Variants in PTPRK observed in about 807,000 individuals in gnomAD.
The protein encoded by PTPRK is protein tyrosine phosphatase receptor type K, also known as receptor-type tyrosine-protein phosphatase kappa.
In PTPRK, 75 loss-of-function variants were observed where a neutral mutation model predicts 178.0. That is an observed-to-expected ratio of 0.42 (90% CI 0.35 to 0.51). The LOEUF (loss-of-function observed/expected upper bound fraction) is 0.51. Among genes scored for constraint, PTPRK ranks in the 20% least tolerant of loss-of-function variants. PTPRK has a pLI of 0.02. For missense variants in PTPRK, 1,441 were observed against 1,797.8 expected (o/e 0.80, Z 3.59); for synonymous variants, 637 against 620.6 (o/e 1.03, Z -0.39).
chr6:128,269,852 C>G (rs189565488), intron 3 of PTPRK, among the ~76,000 whole-genome samples: 5 of 152,142 alleles, frequency 3.3e-5, no homozygotes, highest in African/African-American at 9.6e-5. Context: ...ACAACATTTC[C>G]TAAAATCACT....
intron 13 of PTPRK, among the ~76,000 whole-genome samples, chr6:128,009,971 C>T (rs1452214529): frequency 2.6e-5 from 4 of 151,176 alleles, no homozygotes; most frequent in African/African-American, 9.7e-5. Context: ...CATCTGACTA[C>T]TCATCATACA....
chr6:128,448,870 G>GT (rs1416883880), intron 1 of PTPRK, among the ~76,000 whole-genome samples: 1 of 151,928 alleles, frequency 6.6e-6, no homozygotes, highest in African/African-American at 2.4e-5. Flanking sequence ...TTTTGTTTTT[G>GT]TTTTTTTGAG....
chr6:128,039,607 A>G (rs1164951895), intron 13 of PTPRK, among the ~76,000 whole-genome samples: 1 of 152,190 alleles, frequency 6.6e-6, no homozygotes, highest in Non-Finnish European at 1.5e-5. Flanking sequence ...TAGGAAATCT[A>G]TTACTTGGAC....
chr6:128,477,222 C>T (rs1214287968), intron 1 of PTPRK, among the ~76,000 whole-genome samples: 1 of 152,016 alleles, frequency 6.6e-6, no homozygotes, highest in Non-Finnish European at 1.5e-5. Flanking sequence ...TAGTAACTAG[C>T]AGATGTATTA....
At chr6:128,462,267 T>C (rs1416677872) in intron 1 of PTPRK, among the ~76,000 whole-genome samples, 4 of 152,220 alleles carry the variant, frequency 2.6e-5, no homozygotes. Context: ...AATAAAAATA[T>C]AATTAAATCT....
At chr6:128,268,300 G>C (rs1194207115) in intron 3 of PTPRK, among the ~76,000 whole-genome samples, 1 of 151,912 alleles carries the variant, frequency 6.6e-6, no homozygotes, top group African/African-American at 2.4e-5. Flanking sequence ...TACCAGAGGT[G>C]CTTGTTAAAT....
chr6:128,199,008 G>A (rs1805424367), intron 6 of PTPRK, among the ~76,000 whole-genome samples: 1 of 152,172 alleles, frequency 6.6e-6, no homozygotes, highest in African/African-American at 2.4e-5. Context: ...GAAACTTTAT[G>A]CTTGCAAGGT....
At chr6:128,473,411 T>C (rs887510427) in intron 1 of PTPRK, among the ~76,000 whole-genome samples, 1 of 137,970 alleles carries the variant, frequency 7.2e-6, no homozygotes, top group Non-Finnish European at 1.6e-5. Context: ...ACTATTTTTT[T>C]TTTTTTTTTT....
intron 13 of PTPRK, among the ~76,000 whole-genome samples, chr6:128,014,998 C>A (rs181380580): frequency 1.3e-5 from 2 of 151,632 alleles, no homozygotes; most frequent in Non-Finnish European, 3.0e-5. Flanking sequence ...TGGACGTGAT[C>A]CAAAGATTTC....
intron 7 of PTPRK, among the ~76,000 whole-genome samples, chr6:128,146,044 G>A (rs1033310912): frequency 2.6e-5 from 4 of 152,138 alleles, no homozygotes; most frequent in Non-Finnish European, 5.9e-5. Context: ...GTCAGGTGTA[G>A]TACCCTAGAC....
intron 14 of PTPRK, chr6:128,007,930 T>C (rs1778616287): frequency 1.6e-6 from 1 of 610,922 alleles, no homozygotes; most frequent in Non-Finnish European, 2.7e-6. Flanking sequence ...TACTTAAAAC[T>C]TTTGCCTCAC....
At chr6:128,451,278 A>C (rs1381045117) in intron 1 of PTPRK, among the ~76,000 whole-genome samples, 1 of 152,204 alleles carries the variant, frequency 6.6e-6, no homozygotes, top group East Asian at 1.9e-4. Context: ...CAAATCATGC[A>C]TAGGTAAAAG....
chr6:128,358,562 T>C (rs750500636), intron 2 of PTPRK, among the ~76,000 whole-genome samples: 2 of 152,228 alleles, frequency 1.3e-5, no homozygotes, highest in Non-Finnish European at 2.9e-5. Flanking sequence ...CTCTGGGTAT[T>C]TTCCAAATAC....
chr6:128,311,927 A>G (rs1827294815), intron 3 of PTPRK, among the ~76,000 whole-genome samples: 1 of 152,214 alleles, frequency 6.6e-6, no homozygotes, highest in Non-Finnish European at 1.5e-5. Flanking sequence ...AACAAGAGAA[A>G]AACATAACAA....
intron 6 of PTPRK, among the ~76,000 whole-genome samples, chr6:128,203,813 AG>A (rs1806408882): frequency 6.6e-6 from 1 of 152,228 alleles, no homozygotes; most frequent in Admixed American, 6.5e-5. Context: ...GCTCATGGAC[AG>A]GAAGAATCAA....
chr6:128,138,621 A>T (rs936642426), intron 7 of PTPRK, among the ~76,000 whole-genome samples: 2 of 152,038 alleles, frequency 1.3e-5, no homozygotes, highest in African/African-American at 4.8e-5. Context: ...CTCTTCTTCA[A>T]TTAAGTTAAA....
rs201114977 is a variant in PTPRK, at chr6:127,970,257, A to G, written c.4293T>C (p.Asp1431=). 19 of 1,611,060 alleles carry G rather than the reference A, an allele frequency of 1.2e-5. No homozygotes were observed. The highest frequency in any genetic ancestry group is 3.4e-5 in the Admixed American group (2 of 59,694). The change falls in exon 30 of 30, where the codon GAT becomes GAC. Residue 1431 remains aspartate, a synonymous_variant. Coordinates refer to ENST00000368226, the MANE Select transcript of PTPRK (RefSeq NM_002844.4). ...EAPEQYRFCY[D]VALEYLESS is the part of the protein sequence containing the mutation. ...ATGATTCCAGGTACTCCAAAGCTAC[A>G]TCATAGCAGAAACGGTATTGCTCCT...
At chr6:128,501,699 A>G (rs146966141) in intron 1 of PTPRK, among the ~76,000 whole-genome samples, 4 of 152,354 alleles carry the variant, frequency 2.6e-5, no homozygotes, top group African/African-American at 9.6e-5. Flanking sequence ...TAACACTGAT[A>G]GAGATTAAAT....
intron 1 of PTPRK, among the ~76,000 whole-genome samples, chr6:128,472,503 T>C (rs1266717288): frequency 1.3e-5 from 2 of 150,528 alleles, no homozygotes; most frequent in Non-Finnish European, 2.9e-5. Context: ...TACAGAAAAG[T>C]TGCGAGACTA....
Sources: allele counts gnomAD v4.1 joint callset (sites outside exome capture counted in the v4.1 genomes callset), GRCh38; gene constraint gnomAD v4.1.1; transcripts MANE v1.5; gene names NCBI Gene and HGNC (gene_info 2026-07-23, HGNC 2026-07-21).